Variants in NEK7 observed in about 807,000 individuals in gnomAD.
NEK7 encodes serine/threonine-protein kinase Nek7.
A neutral mutation model predicts 44.6 loss-of-function variants in NEK7; 18 were observed. The observed-to-expected ratio is 0.40, with a 90% CI of 0.28 to 0.60. NEK7 has a LOEUF of 0.60. Among genes scored for constraint, NEK7 ranks in the 20% least tolerant of loss-of-function variants. NEK7 has a pLI of 0.38. For synonymous variants in NEK7, 130 were observed against 121.1 expected, an observed-to-expected ratio of 1.07 and a Z score of -0.48; for missense variants, 256 against 366.5, an observed-to-expected ratio of 0.70 and a Z score of 2.46.
At chr1:198,202,854 T>C (rs1665474645) in intron 1 of NEK7, among the ~76,000 whole-genome samples, 1 of 152,100 alleles carries the variant, frequency 6.6e-6, no homozygotes, top group African/African-American at 2.4e-5. Context: ...CAGGATGAGA[T>C]TTGGGTGGGG....
At chr1:198,174,771 G>C (rs562203891) in intron 1 of NEK7, among the ~76,000 whole-genome samples, 6 of 147,746 alleles carry the variant, frequency 4.1e-5, no homozygotes, top group Non-Finnish European at 8.9e-5. Context: ...TGTTTTTTTT[G>C]GGGGGGGACA....
intron 5 of NEK7, among the ~76,000 whole-genome samples, chr1:198,274,832 TAA>T (rs1653966028): frequency 6.6e-6 from 1 of 151,756 alleles, no homozygotes; most frequent in East Asian, 1.9e-4. Context: ...TGAATAATTT[TAA>T]AAAGAGTGTG....
At chr1:198,245,067 AAAAT>A (rs1372847696) in intron 2 of NEK7, 2 of 161,110 alleles carry the variant, frequency 1.2e-5, no homozygotes, top group Non-Finnish European at 2.9e-5. Flanking sequence ...TTCTTACAAT[AAAAT>A]AAACTACAGA....
intron 7 of NEK7, among the ~76,000 whole-genome samples, chr1:198,292,413 G>A (rs1395439550): frequency 1.3e-5 from 2 of 151,926 alleles, no homozygotes; most frequent in Non-Finnish European, 2.9e-5. Context: ...ACAAAAGTCT[G>A]TGGTATTCTT....
intron 1 of NEK7, among the ~76,000 whole-genome samples, chr1:198,227,823 G>C (rs147344221): frequency 0.023 from 3,553 of 152,214 alleles, 142 homozygotes; most frequent in African/African-American, 0.081. Context: ...TAGGCTGCCT[G>C]TTCACTCTGA....
At chr1:198,186,658 C>T (rs1664934431) in intron 1 of NEK7, among the ~76,000 whole-genome samples, 1 of 152,138 alleles carries the variant, frequency 6.6e-6, no homozygotes, top group African/African-American at 2.4e-5. Context: ...CTTGGTTGAA[C>T]TCAAATTTTC....
At chr1:198,254,052 C>T (rs1368466999) in intron 3 of NEK7, among the ~76,000 whole-genome samples, 1 of 151,926 alleles carries the variant, frequency 6.6e-6, no homozygotes, top group Non-Finnish European at 1.5e-5. Flanking sequence ...TCTGCAGATA[C>T]CTGTGAAATC....
At chr1:198,159,250 G>A (rs572173454) in intron 1 of NEK7, among the ~76,000 whole-genome samples, 5 of 152,064 alleles carry the variant, frequency 3.3e-5, no homozygotes, top group Non-Finnish European at 7.4e-5. Context: ...TCTTTTTCTA[G>A]GGATGTCTGC....
rs749839551 is a variant in NEK7, at chr1:198,319,391, ATTGT to A, written c.799-18_799-15del. The A allele has an allele frequency of 6.4e-7, 1 of 1,573,972 alleles. No homozygotes were observed. Among genetic ancestry groups the A allele is most frequent in the African/African-American group, 1.4e-5 (1 of 73,638 alleles). The stretch of plus-strand genomic sequence containing the variant: ...AAAATAGTTGTCTTAATCAGGTTTT[ATTGT>A]TTTTCTTTCTTCACAGCTCCGACAG... On this transcript the variant is annotated splice_polypyrimidine_tract_variant and intron_variant, in intron 9 of 9. Transcript: ENST00000367385.
chr1:198,302,824 G>C (rs1470866822), intron 9 of NEK7, among the ~76,000 whole-genome samples: 1 of 152,086 alleles, frequency 6.6e-6, no homozygotes. Flanking sequence ...CCTAGACAAT[G>C]TTTAGAGCAA....
intron 2 of NEK7, among the ~76,000 whole-genome samples, chr1:198,235,167 C>T (rs1448717635): frequency 6.6e-6 from 1 of 152,024 alleles, no homozygotes; most frequent in East Asian, 1.9e-4. Context: ...ATACCAATTC[C>T]CTGTTATAAT....
At chr1:198,277,311 C>T (rs1260739866) in intron 5 of NEK7, among the ~76,000 whole-genome samples, 2 of 151,764 alleles carry the variant, frequency 1.3e-5, no homozygotes, top group Admixed American at 6.6e-5. Context: ...TATTTGCCCT[C>T]TTATGTGCCA....
chr1:198,228,903 T>A (rs1371832684), intron 1 of NEK7, among the ~76,000 whole-genome samples: 3 of 152,196 alleles, frequency 2.0e-5, no homozygotes, highest in Non-Finnish European at 4.4e-5. Flanking sequence ...TCTAACACTA[T>A]GTGGAATAGG....
At chr1:198,205,065 A>G (rs1242888474) in intron 1 of NEK7, among the ~76,000 whole-genome samples, 25 of 151,956 alleles carry the variant, frequency 1.6e-4, no homozygotes, top group African/African-American at 4.8e-5. Context: ...TCCTACTTCC[A>G]CTAAGTAATC....
At chr1:198,248,321 G>A (rs939838668) in intron 2 of NEK7, among the ~76,000 whole-genome samples, 2 of 152,174 alleles carry the variant, frequency 1.3e-5, no homozygotes, top group Non-Finnish European at 2.9e-5. Context: ...TTCAGGTAGT[G>A]TTTACCCCAT....
At chr1:198,311,909 T>G (rs1249224127) in intron 9 of NEK7, among the ~76,000 whole-genome samples, 3 of 152,196 alleles carry the variant, frequency 2.0e-5, no homozygotes, top group African/African-American at 4.8e-5. Context: ...CTTTTTTGGT[T>G]GTGTCTCTGC....
At chr1:198,209,734 C>G (rs1408797378) in intron 1 of NEK7, among the ~76,000 whole-genome samples, 1 of 149,006 alleles carries the variant, frequency 6.7e-6, no homozygotes, top group African/African-American at 2.5e-5. Flanking sequence ...TTCCTAGGCT[C>G]AAGCGATCCT....
chr1:198,218,237 A>T (rs1236940021), intron 1 of NEK7, among the ~76,000 whole-genome samples: 4 of 152,088 alleles, frequency 2.6e-5, no homozygotes, highest in Non-Finnish European at 4.4e-5. Flanking sequence ...GACTAATGGA[A>T]CAGAATAGAG....
At chr1:198,228,948 T>C (rs1401997773) in intron 1 of NEK7, among the ~76,000 whole-genome samples, 1 of 152,092 alleles carries the variant, frequency 6.6e-6, no homozygotes, top group Non-Finnish European at 1.5e-5. Flanking sequence ...CTTGTGCCCG[T>C]TTTCAAAGGG....
Sources: allele counts gnomAD v4.1 joint callset (sites outside exome capture counted in the v4.1 genomes callset), GRCh38; gene constraint gnomAD v4.1.1; transcripts MANE v1.5; gene names NCBI Gene and HGNC (gene_info 2026-07-23, HGNC 2026-07-21).